SSBP2: variants seen among roughly 807,000 people sequenced by gnomAD.
SSBP2 encodes single stranded DNA binding protein 2.
SSBP2 carries 17 observed loss-of-function variants against 61.8 expected under a neutral mutation model. That is an observed-to-expected ratio of 0.28 (90% CI 0.19 to 0.41). SSBP2 has a LOEUF of 0.41. Ranked by LOEUF, SSBP2 falls within the 10% of genes least tolerant of loss-of-function variation. The probability of loss-of-function intolerance (pLI) is 1.00; values close to 1 mark genes in which losing one functional copy is unlikely to be tolerated. For synonymous variants in SSBP2, 139 were observed against 141.3 expected (o/e 0.98, Z 0.12); for missense variants, 310 against 458.7 (o/e 0.68, Z 2.96).
At chr5:81,590,542 A>T (rs187141312) in intron 4 of SSBP2, among the ~76,000 whole-genome samples, 2 of 152,346 alleles carry the variant, frequency 1.3e-5, no homozygotes, top group East Asian at 1.9e-4. Flanking sequence ...TAACAAACTG[A>T]AACTAGCATG....
At chr5:81,486,866 G>C (rs1001315201) in intron 6 of SSBP2, among the ~76,000 whole-genome samples, 1 of 152,192 alleles carries the variant, frequency 6.6e-6, no homozygotes, top group Non-Finnish European at 1.5e-5. Flanking sequence ...ATCATGAGAT[G>C]ACCCAGCACT....
chr5:81,714,272 G>A (rs994123935), intron 1 of SSBP2, among the ~76,000 whole-genome samples: 1 of 152,170 alleles, frequency 6.6e-6, no homozygotes, highest in Non-Finnish European at 1.5e-5. Context: ...ATTCCATGGT[G>A]TATATGTGCC....
In SSBP2 at chr5:81,677,868, G is replaced by A. The variant is rs185949855; in HGVS notation, c.63-27529C>T. ...AAAAGCACTGATGAAGCTCAGTCCA[G>A]GGGCACCAGCTCACCAAAAGACACA... is the stretch of plus-strand genomic sequence containing the variant. On this transcript the variant is annotated intron_variant, in intron 1 of 16. Transcript: ENST00000320672. Among the ~76,000 whole-genome samples, 3 of 149,104 alleles carry A rather than the reference G, an allele frequency of 2.0e-5. No individual in the cohort carries two copies. In the East Asian group the frequency reaches 5.9e-4, roughly 29 times the overall value.
At chr5:81,550,565 C>T (rs560493683) in intron 4 of SSBP2, among the ~76,000 whole-genome samples, 1 of 152,230 alleles carries the variant, frequency 6.6e-6, no homozygotes, top group African/African-American at 2.4e-5. Flanking sequence ...TTTGATTTTG[C>T]ACAAATGGTC....
At chr5:81,665,902 G>A (rs73135660) in intron 1 of SSBP2, among the ~76,000 whole-genome samples, 91 of 152,220 alleles carry the variant, frequency 6.0e-4, no homozygotes, top group East Asian at 5.2e-3. Flanking sequence ...TGATTCCTAG[G>A]TGACAAAATG....
intron 6 of SSBP2, among the ~76,000 whole-genome samples, chr5:81,485,295 C>T (rs1766298739): frequency 6.6e-6 from 1 of 152,058 alleles, no homozygotes; most frequent in South Asian, 2.1e-4. Context: ...ATTTTATTTT[C>T]CTTTCATCAT....
chr5:81,439,974 A>G (rs1365288138), intron 14 of SSBP2, among the ~76,000 whole-genome samples: 1 of 152,088 alleles, frequency 6.6e-6, no homozygotes, highest in Admixed American at 6.6e-5. Flanking sequence ...CCTGGCCTAT[A>G]AAGTATGTTT....
chr5:81,580,188 G>A (rs944485031), intron 4 of SSBP2, among the ~76,000 whole-genome samples: 1 of 151,992 alleles, frequency 6.6e-6, no homozygotes, highest in Non-Finnish European at 1.5e-5. Flanking sequence ...ATTAATTTAT[G>A]GACTTTAGGA....
chr5:81,649,145 G>A (rs2043646), intron 2 of SSBP2, among the ~76,000 whole-genome samples: 72,891 of 151,906 alleles, frequency 0.48, 19,797 homozygotes, highest in African/African-American at 0.73. Flanking sequence ...AAGCTCTGTG[G>A]CCATGAGCCA....
intron 4 of SSBP2, among the ~76,000 whole-genome samples, chr5:81,558,566 A>T (rs1481710382): frequency 6.6e-6 from 1 of 152,216 alleles, no homozygotes; most frequent in African/African-American, 2.4e-5. Context: ...AAAATTTTGC[A>T]TGTCTAAACT....
chr5:81,502,175 T>C lies in SSBP2; in HGVS notation c.372+11453A>G, dbSNP rs962686647. Among the ~76,000 whole-genome samples the C allele has an allele frequency of 9.8e-5, 15 of 152,288 alleles. No individual in the cohort carries two copies. The South Asian group carries it at 1.0e-3, about 11-fold the overall frequency. ...TGAGGCTTTCACCCCCAGGACCACATTGAACAAGGCCACTAATGACTTCCT... is the reference window on the plus strand; with the variant it reads ...TGAGGCTTTCACCCCCAGGACCACACTGAACAAGGCCACTAATGACTTCCT... On this transcript the variant is annotated intron_variant, in intron 5 of 16. Coordinates refer to ENST00000320672, the MANE Select transcript of SSBP2 (RefSeq NM_012446.5).
Position 81,461,048 on chromosome 5 carries a change from T to C in SSBP2, c.687+7A>G, listed in dbSNP as rs746463720. ...AAATATTAAAAAAAATATATATATA[T>C]ACTCACTGAATTGGCATTTGTTGGG... On this transcript the variant is annotated splice_region_variant and intron_variant, in intron 10 of 16. Coordinates refer to ENST00000320672, the MANE Select transcript of SSBP2 (RefSeq NM_012446.5). 41 of 1,521,822 alleles carry C rather than the reference T, an allele frequency of 2.7e-5. No homozygotes were observed. The highest frequency in any genetic ancestry group is 4.8e-5 in the East Asian group (2 of 41,426). 94.3% of individuals were successfully genotyped at this position (1,521,822 alleles called of 1,614,324 possible). A position where few individuals can be genotyped will look rare whatever the true frequency, so the allele number is the denominator to read the frequency against.
intron 1 of SSBP2, among the ~76,000 whole-genome samples, chr5:81,704,124 G>A (rs1754196068): frequency 6.6e-6 from 1 of 152,058 alleles, no homozygotes; most frequent in African/African-American, 2.4e-5. Flanking sequence ...ACAGGGTTGG[G>A]GATTCTTCTT....
chr5:81,627,235 A>G (rs541624606), intron 3 of SSBP2, among the ~76,000 whole-genome samples: 10 of 152,192 alleles, frequency 6.6e-5, no homozygotes, highest in African/African-American at 2.2e-4. Flanking sequence ...TGTATTCCAC[A>G]TGCCTTTCCT....
chr5:81,542,433 T>TTCTA (rs1436614113), intron 4 of SSBP2, among the ~76,000 whole-genome samples: 2 of 152,130 alleles, frequency 1.3e-5, no homozygotes, highest in African/African-American at 4.8e-5. Flanking sequence ...CAATAAATCA[T>TTCTA]TCTATCAAAA....
At chr5:81,516,963 T>A (rs1769077507) in intron 4 of SSBP2, among the ~76,000 whole-genome samples, 1 of 152,124 alleles carries the variant, frequency 6.6e-6, no homozygotes. Flanking sequence ...ATAAAGCATG[T>A]ATTATTACTC....
intron 10 of SSBP2, among the ~76,000 whole-genome samples, chr5:81,460,428 C>T (rs751630951): frequency 1.3e-5 from 2 of 152,110 alleles, no homozygotes; most frequent in South Asian, 2.1e-4. Context: ...ATATTAAGAT[C>T]GATAGCTTAA....
chr5:81,524,375 TG>T (rs1769745583), intron 4 of SSBP2, among the ~76,000 whole-genome samples: 1 of 152,018 alleles, frequency 6.6e-6, no homozygotes, highest in Non-Finnish European at 1.5e-5. Flanking sequence ...TTGTGAAACT[TG>T]GAACAAAGAA....
intron 8 of SSBP2, 91 bp downstream of exon 8, chr5:81,473,609 T>C (rs896364531): frequency 8.2e-6 from 9 of 1,091,506 alleles, no homozygotes; most frequent in African/African-American, 1.5e-5. Flanking sequence ...ATGGTATACA[T>C]GTACCACATT....
Sources: gnomAD v4.1 joint callset for allele counts (sites outside exome capture counted in the v4.1 genomes callset) on GRCh38, gnomAD v4.1.1 for gene constraint, MANE v1.5 for transcripts, NCBI Gene and HGNC (gene_info 2026-07-23, HGNC 2026-07-21) for gene names.